MAP3K5: variants seen among roughly 807,000 people sequenced by gnomAD.
MAP3K5 encodes the protein mitogen-activated protein kinase kinase kinase 5.
Under a neutral mutation model 158.7 loss-of-function variants are expected in MAP3K5, and 56 were observed. The observed-to-expected ratio is 0.35, with a 90% CI of 0.28 to 0.44. The LOEUF (loss-of-function observed/expected upper bound fraction) is 0.44, where lower values mean the gene tolerates loss of function less well. Ranked by LOEUF, MAP3K5 falls within the 20% of genes least tolerant of loss-of-function variation. The pLI is 1.00. For missense variants in MAP3K5, 1,294 were observed against 1,674.8 expected (o/e 0.77, Z 3.97); for synonymous variants, 579 against 601.7 (o/e 0.96, Z 0.55).
intron 8 of MAP3K5, among the ~76,000 whole-genome samples, chr6:136,662,579 CTCTT>C (rs531682135): frequency 8.3e-4 from 126 of 152,182 alleles, no homozygotes; most frequent in Non-Finnish European, 1.5e-3. Context: ...CTCTTCCTCT[CTCTT>C]TCTCTCTCAC....
intron 25 of MAP3K5, among the ~76,000 whole-genome samples, chr6:136,572,269 T>C (rs1045469872): frequency 2.0e-5 from 3 of 152,394 alleles, no homozygotes; most frequent in East Asian, 1.9e-4. Context: ...AACTGATTTT[T>C]TTTTTTAAGA....
At chr6:136,676,687 C>T (rs1352859454) in intron 7 of MAP3K5, among the ~76,000 whole-genome samples, 1 of 151,634 alleles carries the variant, frequency 6.6e-6, no homozygotes, top group African/African-American at 2.4e-5. Flanking sequence ...GAAGCTTAGT[C>T]ATAGCAAGCA....
intron 15 of MAP3K5, among the ~76,000 whole-genome samples, chr6:136,619,080 G>C (rs9373171): frequency 0.11 from 17,285 of 152,178 alleles, 2,107 homozygotes; most frequent in East Asian, 0.32. Context: ...CTGGAGGCAG[G>C]GTGAAAGTCA....
chr6:136,707,741 T>C (rs1388637483), intron 2 of MAP3K5, among the ~76,000 whole-genome samples: 4 of 152,236 alleles, frequency 2.6e-5, no homozygotes, highest in Non-Finnish European at 5.9e-5. Flanking sequence ...GTGAGTGATA[T>C]GTTCAAAGAA....
At chr6:136,645,369 C>T (rs1778201165) in intron 11 of MAP3K5, among the ~76,000 whole-genome samples, 1 of 152,198 alleles carries the variant, frequency 6.6e-6, no homozygotes, top group Non-Finnish European at 1.5e-5. Flanking sequence ...ATGTTTCCCT[C>T]ATAAATTTCC....
intron 11 of MAP3K5, among the ~76,000 whole-genome samples, chr6:136,645,066 C>T (rs1778183830): frequency 6.6e-6 from 1 of 152,036 alleles, no homozygotes; most frequent in Non-Finnish European, 1.5e-5. Flanking sequence ...GCAGCTGGGA[C>T]TACAGGCACA....
chr6:136,772,049 C>T lies in MAP3K5; in HGVS notation c.448+19661G>A, dbSNP rs149282336. 6.8e-3 allele frequency among the ~76,000 whole-genome samples: 1,018 copies of T among 149,782 alleles called. 35 individuals are homozygous for T. Among genetic ancestry groups the T allele is most frequent in the Admixed American group, 0.062 (935 of 15,010 alleles). ...TCAGCCTCCCAACTAGCTGGGACTA[C>T]AGGCGTGTGCCACCACGCCCAATTA... On this transcript the variant is annotated intron_variant, in intron 1 of 29. Transcript: ENST00000359015.
chr6:136,642,736 C>T (rs80232629), intron 11 of MAP3K5, among the ~76,000 whole-genome samples, 167 bp from the exon 12 acceptor site: 2,774 of 152,078 alleles, frequency 0.018, 70 homozygotes, highest in African/African-American at 0.061. Flanking sequence ...TTCTCAAGTC[C>T]CAAGGGTAAT....
chr6:136,698,351 T>C, intron 4 of MAP3K5, 138 bp downstream of exon 4: 1 of 682,912 alleles, frequency 1.5e-6, no homozygotes, highest in South Asian at 2.0e-5. Flanking sequence ...TTTTATCTAC[T>C]TGGAGGATAA....
intron 8 of MAP3K5, among the ~76,000 whole-genome samples, chr6:136,659,842 G>A (rs995108271): frequency 2.6e-5 from 4 of 152,298 alleles, no homozygotes; most frequent in Middle Eastern, 3.4e-3. Context: ...CCACTGAAGC[G>A]TGCACTTCAA....
In MAP3K5 at chr6:136,580,371, C is replaced by T. The variant is rs148626721; in HGVS notation, c.3447G>A (p.Pro1149=). The T allele has an allele frequency of 5.2e-4, 845 of 1,612,758 alleles. 7 individuals are homozygous for T. The highest frequency in any genetic ancestry group is 3.7e-4 in the Admixed American group (22 of 60,002). ...NKVLRNHNIK[P]HWMFALDSII... ...TACTGTCTAAGGCAAACATCCAGTG[C>T]GGCTTGATGTTATGATTCCGAAGAA... Residue 1149 remains proline, a synonymous_variant, in exon 25 of 30, where the codon CCG becomes CCA. Coordinates refer to ENST00000359015, the MANE Select transcript of MAP3K5 (RefSeq NM_005923.4).
At chr6:136,759,511 C>A (rs1241621768) in intron 1 of MAP3K5, among the ~76,000 whole-genome samples, 2 of 138,698 alleles carry the variant, frequency 1.4e-5, no homozygotes, top group Non-Finnish European at 3.1e-5. Context: ...CACTCTGTCA[C>A]CCAGGCTGGA....
intron 14 of MAP3K5, among the ~76,000 whole-genome samples, chr6:136,624,433 A>G (rs1266109677): frequency 1.3e-5 from 2 of 152,334 alleles, no homozygotes; most frequent in African/African-American, 4.8e-5. Flanking sequence ...TAAAATAGAG[A>G]ATCTAATGGC....
intron 3 of MAP3K5, among the ~76,000 whole-genome samples, chr6:136,699,562 G>A (rs1015991893): frequency 5.9e-5 from 9 of 152,156 alleles, no homozygotes; most frequent in Admixed American, 2.6e-4. Flanking sequence ...CTCTCCCCTC[G>A]CCCACTACAG....
At chr6:136,590,286 T>C (rs1050669514) in intron 23 of MAP3K5, among the ~76,000 whole-genome samples, 6 of 152,142 alleles carry the variant, frequency 3.9e-5, no homozygotes, top group African/African-American at 9.7e-5. Context: ...CTGAGTCTCA[T>C]GTATTCTATT....
intron 25 of MAP3K5, among the ~76,000 whole-genome samples, chr6:136,576,931 C>T (rs998987307): frequency 7.3e-5 from 11 of 151,566 alleles, no homozygotes; most frequent in African/African-American, 2.2e-4. Context: ...ATTTGTAGCC[C>T]GGGAGCAACA....
chr6:136,682,752 C>T (rs1779988323), intron 7 of MAP3K5, among the ~76,000 whole-genome samples: 1 of 152,136 alleles, frequency 6.6e-6, no homozygotes, highest in South Asian at 2.1e-4. Context: ...GACTTCATAT[C>T]TTCCCTTAAG....
At chr6:136,698,708 G>A in intron 3 of MAP3K5, 26 bp from the exon 4 acceptor site, 1 of 1,581,826 alleles carries the variant, frequency 6.3e-7, no homozygotes. Context: ...GCATCGGCAA[G>A]TGGGGAGCTG....
At chr6:136,710,491 TA>T (rs998831511) in intron 2 of MAP3K5, among the ~76,000 whole-genome samples, 75 of 146,998 alleles carry the variant, frequency 5.1e-4, no homozygotes, top group African/African-American at 1.2e-3. Context: ...GGAGCAAGAC[TA>T]AAAAAAAAAA....
Sources: gnomAD v4.1 joint callset for allele counts (sites outside exome capture counted in the v4.1 genomes callset) on GRCh38, gnomAD v4.1.1 for gene constraint, MANE v1.5 for transcripts, NCBI Gene and HGNC (gene_info 2026-07-23, HGNC 2026-07-21) for gene names.